The following NCKAP5 variants were observed in gnomAD, a reference collection of about 807,000 sequenced individuals.
The protein encoded by NCKAP5 is NCK associated protein 5.
Under a neutral mutation model 167.0 loss-of-function variants are expected in NCKAP5, and 92 were observed. The ratio of observed to expected loss-of-function variants is 0.55; its 90% CI spans 0.47 to 0.66. The LOEUF (loss-of-function observed/expected upper bound fraction) is 0.66. Among genes scored for constraint, NCKAP5 ranks in the 30% least tolerant of loss-of-function variants. NCKAP5 has a pLI of 0.00. For missense variants in NCKAP5, 2,378 were observed against 2,315.0 expected, an observed-to-expected ratio of 1.03 and a Z score of -0.56; for synonymous variants, 891 against 877.4, an observed-to-expected ratio of 1.02 and a Z score of -0.27.
At chr2:133,416,690 G>T (rs1689129812) in intron 3 of NCKAP5, among the ~76,000 whole-genome samples, 1 of 151,786 alleles carries the variant, frequency 6.6e-6, no homozygotes, top group South Asian at 2.1e-4. Flanking sequence ...ACATTGTACT[G>T]AAATAGCCAC....
rs570558650 is a variant in NCKAP5 at position 133,512,853 on chromosome 2, C to T, written c.69+4605G>A. On this transcript the variant is annotated intron_variant, in intron 3 of 19. Coordinates refer to ENST00000409261, the MANE Select transcript of NCKAP5 (RefSeq NM_207363.3). ...GCTTCAAACTACAGCTCCCCCATGG[C>T]CCCTCCATGTAGTTGCACAGCTCCA... 2.1e-3 allele frequency among the ~76,000 whole-genome samples: 317 copies of T among 152,164 alleles called. 1 individual carries two copies. Among genetic ancestry groups the T allele is most frequent in the African/African-American group, 7.1e-3 (293 of 41,508 alleles).
chr2:132,846,432 G>A (rs1022764882), intron 11 of NCKAP5, among the ~76,000 whole-genome samples: 3 of 151,956 alleles, frequency 2.0e-5, no homozygotes, highest in Non-Finnish European at 4.4e-5. Flanking sequence ...AGCTTCCCGA[G>A]TAGCTGGGGT....
intron 2 of NCKAP5, among the ~76,000 whole-genome samples, chr2:133,518,336 A>T (rs908273856): frequency 4.2e-5 from 6 of 142,470 alleles, no homozygotes; most frequent in African/African-American, 1.5e-4. Flanking sequence ...AATGGGTTAC[A>T]GTAAAGGATT....
intron 6 of NCKAP5, chr2:133,118,110 GT>G (rs3839031): frequency 0.11 from 17,363 of 152,130 alleles, 1,239 homozygotes; most frequent in East Asian, 0.37. Context: ...GGCTGGCAGA[GT>G]TTTTCATCTA....
At chr2:133,070,768 T>C (rs1283383350) in intron 6 of NCKAP5, among the ~76,000 whole-genome samples, 1 of 152,200 alleles carries the variant, frequency 6.6e-6, no homozygotes, top group Non-Finnish European at 1.5e-5. Context: ...TGTGTGTGTG[T>C]ATCCTCCTAT....
intron 6 of NCKAP5, among the ~76,000 whole-genome samples, chr2:133,023,058 C>T (rs1017066892): frequency 4.6e-5 from 7 of 152,162 alleles, no homozygotes; most frequent in African/African-American, 9.7e-5. Context: ...TGACTCCCAT[C>T]GCAGCCCACA....
intron 6 of NCKAP5, among the ~76,000 whole-genome samples, chr2:133,049,653 T>C (rs1465738092): frequency 6.6e-6 from 1 of 152,136 alleles, no homozygotes; most frequent in Non-Finnish European, 1.5e-5. Flanking sequence ...CTAACTGGTT[T>C]ATTTCATTTC....
At chr2:132,751,352 C>A (rs181945398) in intron 16 of NCKAP5, among the ~76,000 whole-genome samples, 2 of 152,268 alleles carry the variant, frequency 1.3e-5, no homozygotes, top group Admixed American at 1.3e-4. Context: ...GAGGTCTCAA[C>A]AGAAGCAGAC....
At chr2:133,335,799 T>G (rs778185942) in intron 3 of NCKAP5, among the ~76,000 whole-genome samples, 1 of 152,192 alleles carries the variant, frequency 6.6e-6, no homozygotes, top group East Asian at 1.9e-4. Flanking sequence ...GTGAAGTAAT[T>G]AGAACTGATA....
chr2:133,432,699 G>T (rs1480560357), intron 3 of NCKAP5, among the ~76,000 whole-genome samples: 1 of 152,164 alleles, frequency 6.6e-6, no homozygotes, highest in Non-Finnish European at 1.5e-5. Context: ...CACAGGAAAT[G>T]ATAATGATTT....
intron 6 of NCKAP5, among the ~76,000 whole-genome samples, chr2:133,010,358 G>A (rs1309905918): frequency 2.6e-5 from 4 of 152,092 alleles, no homozygotes; most frequent in Non-Finnish European, 2.9e-5. Flanking sequence ...ATAGATCATT[G>A]TCAGCCCACC....
chr2:133,034,284 A>G (rs1179523038), intron 6 of NCKAP5, among the ~76,000 whole-genome samples: 1 of 152,148 alleles, frequency 6.6e-6, no homozygotes, highest in Non-Finnish European at 1.5e-5. Context: ...CTTCAAACAC[A>G]AGGAAGAAAT....
At chr2:133,136,856 C>T (rs2082804746) in intron 5 of NCKAP5, among the ~76,000 whole-genome samples, 1 of 152,186 alleles carries the variant, frequency 6.6e-6, no homozygotes, top group South Asian at 2.1e-4. Context: ...TATTCATCAA[C>T]CAACATCCAA....
chr2:132,887,365 T>TTCCATCCATCCATCCATCCATCCATCCA (rs142512555), intron 8 of NCKAP5, among the ~76,000 whole-genome samples: 3 of 133,808 alleles, frequency 2.2e-5, no homozygotes, highest in Non-Finnish European at 3.2e-5. Context: ...CCATCCATCT[T>TTCCATCCATCCATCCATCCATCCATCCA]TCCATCCATC....
At chr2:133,359,579 A>C (rs1684962431) in intron 3 of NCKAP5, among the ~76,000 whole-genome samples, 1 of 152,206 alleles carries the variant, frequency 6.6e-6, no homozygotes, top group African/African-American at 2.4e-5. Context: ...GTTATTCTAT[A>C]AATAACATAA....
In NCKAP5 at chr2:132,688,985, C is replaced by CAAA. The variant is rs34015551; in HGVS notation, c.5714-15683_5714-15681dup. On this transcript the variant is annotated intron_variant, in intron 19 of 19. Coordinates refer to ENST00000409261, the MANE Select transcript of NCKAP5 (RefSeq NM_207363.3). ...TGCGTGGTGGAATGAGACACCAACT[C>CAAA]AAAAAAAAAAAAAAAAAAAAGCCTC... 1.1e-3 allele frequency among the ~76,000 whole-genome samples: 70 copies of CAAA among 66,160 alleles called. 2 individuals are homozygous for CAAA. The highest frequency in any genetic ancestry group is 3.6e-3 in the East Asian group (6 of 1,678). 43.4% of individuals were successfully genotyped at this position (66,160 alleles called of 152,430 possible).
At chr2:132,886,062 G>T (rs1397883612) in intron 8 of NCKAP5, among the ~76,000 whole-genome samples, 1 of 152,130 alleles carries the variant, frequency 6.6e-6, no homozygotes, top group African/African-American at 2.4e-5. Context: ...TGCTGCTCTA[G>T]CATGGAACAA....
chr2:133,152,655 G>C (rs1224705012), intron 5 of NCKAP5, among the ~76,000 whole-genome samples: 1 of 152,176 alleles, frequency 6.6e-6, no homozygotes, highest in East Asian at 1.9e-4. Context: ...GGAACCTTGA[G>C]TATACTGCTA....
intron 19 of NCKAP5, among the ~76,000 whole-genome samples, chr2:132,717,951 G>C (rs1689529591): frequency 1.3e-5 from 2 of 152,134 alleles, no homozygotes; most frequent in South Asian, 4.1e-4. Flanking sequence ...AGACCCTACT[G>C]GGATTTTATT....
Sources: gnomAD v4.1 joint callset for allele counts (sites outside exome capture counted in the v4.1 genomes callset) on GRCh38, gnomAD v4.1.1 for gene constraint, MANE v1.5 for transcripts, NCBI Gene and HGNC (gene_info 2026-07-23, HGNC 2026-07-21) for gene names.